Variants in ZDHHC7 observed in about 807,000 individuals in gnomAD.
The protein encoded by ZDHHC7 is palmitoyltransferase ZDHHC7.
In ZDHHC7, 12 loss-of-function variants were observed where a neutral mutation model predicts 34.1. That is an observed-to-expected ratio of 0.35 (90% confidence interval 0.23 to 0.57). The LOEUF is 0.57. ZDHHC7 is among the 20% of genes least tolerant of loss of function. The probability of loss-of-function intolerance (pLI) is 0.84; values close to 1 mark genes in which losing one functional copy is unlikely to be tolerated. For missense variants in ZDHHC7, 388 were observed against 402.7 expected (o/e 0.96, Z 0.31); for synonymous variants, 185 against 155.4 (o/e 1.19, Z -1.42).
chr16:84,982,471 G>A (rs1288096090), intron 3 of ZDHHC7, among the ~76,000 whole-genome samples: 2 of 152,130 alleles, frequency 1.3e-5, no homozygotes, highest in African/African-American at 2.4e-5. Flanking sequence ...CCAGACAAGG[G>A]CACTGACTGT....
chr16:85,008,494 C>T (rs1378305841), intron 1 of ZDHHC7, among the ~76,000 whole-genome samples: 1 of 141,366 alleles, frequency 7.1e-6, no homozygotes, highest in Admixed American at 7.0e-5. Flanking sequence ...TTGGGAACCA[C>T]CACCTACACC....
chr16:84,990,272 G>A (rs756707729), intron 3 of ZDHHC7, 32 bp downstream of exon 3: 6 of 1,603,380 alleles, frequency 3.7e-6, no homozygotes, highest in African/African-American at 1.3e-5. Context: ...CCAGACACAA[G>A]AGAGCCACCC....
chr16:85,003,645 A>G (rs947321249), intron 1 of ZDHHC7, among the ~76,000 whole-genome samples: 1 of 152,344 alleles, frequency 6.6e-6, no homozygotes, highest in Admixed American at 6.5e-5. Flanking sequence ...AACTCAAGCC[A>G]GATCTCAATG....
In ZDHHC7 at chr16:84,976,465, C is replaced by T; in HGVS notation, c.805G>A (p.Glu269Lys). 6.2e-7 allele frequency: 1 copy of T among 1,614,136 alleles called. No homozygotes were observed. The highest frequency in any genetic ancestry group is 8.5e-7 in the Non-Finnish European group (1 of 1,180,020). The part of the protein sequence containing the change: ...KPTWERRLRW[E>K]GMKSVFGGPP... ...CCCCCAAAGACGGACTTCATCCCTTCCCATCGCAGCCTCCGCTCCCATGTG... is the reference window on the plus strand; with the variant it reads ...CCCCCAAAGACGGACTTCATCCCTTTCCATCGCAGCCTCCGCTCCCATGTG... Residue 269 changes from glutamate (E) to lysine (K), a missense_variant, in exon 8 of 8, where the codon GAA becomes AAA. Glu to Lys is a moderately conservative substitution (Grantham distance 56). Transcript: ENST00000313732.
At position 84,979,294 on chromosome 16, in the gene ZDHHC7, G is replaced by C. The variant is rs376566087; in HGVS notation, c.441-9C>G. 6.2e-7 allele frequency: 1 copy of C among 1,607,818 alleles called. No homozygotes were observed. Among genetic ancestry groups the C allele is most frequent in the Non-Finnish European group, 8.5e-7 (1 of 1,178,752 alleles). On this transcript the variant is annotated splice_polypyrimidine_tract_variant and intron_variant, in intron 4 of 7. Transcript: ENST00000313732. ...TACATCTTTTGCAAATACTGAAAAGGAGAGTTTGATTTTTCAGTATTCCAT... is the reference window on the plus strand; with the variant it reads ...TACATCTTTTGCAAATACTGAAAAGCAGAGTTTGATTTTTCAGTATTCCAT...
chr16:84,988,226 C>T (rs548868395), intron 3 of ZDHHC7, among the ~76,000 whole-genome samples: 52 of 151,950 alleles, frequency 3.4e-4, no homozygotes, highest in African/African-American at 1.1e-3. Context: ...TGAGTGGTTG[C>T]CAGGGGCAGA....
At chr16:84,996,629 C>T (rs902260513) in intron 1 of ZDHHC7, among the ~76,000 whole-genome samples, 2 of 152,142 alleles carry the variant, frequency 1.3e-5, no homozygotes, top group African/African-American at 4.8e-5. Flanking sequence ...GAAAACCCAA[C>T]AAGAAGGTCA....
chr16:84,978,012 T>C lies in ZDHHC7; in HGVS notation c.538-7A>G, dbSNP rs1567491512. 3 of 1,600,422 alleles carry C rather than the reference T, an allele frequency of 1.9e-6. No individual in the cohort carries two copies. The highest frequency in any genetic ancestry group is 8.5e-7 in the Non-Finnish European group (1 of 1,171,384). ...AAGACAGAGCTATATACATCTAGAA[T>C]GAGGGGGAGATTGGTTAGTCACTTT... On this transcript the variant is annotated splice_region_variant and splice_polypyrimidine_tract_variant and intron_variant, in intron 5 of 7. Coordinates refer to ENST00000313732, the MANE Select transcript of ZDHHC7 (RefSeq NM_017740.3).
chr16:84,990,906 T>C (rs969218713), intron 2 of ZDHHC7, among the ~76,000 whole-genome samples: 1 of 152,190 alleles, frequency 6.6e-6, no homozygotes, highest in Non-Finnish European at 1.5e-5. Context: ...ACAAAGATTA[T>C]GGAAAGCACA....
chr16:84,981,881 G>C lies in ZDHHC7; in HGVS notation c.429C>G (p.Ala143=), dbSNP rs1228763425. ...AGCAGCGCACGTACCTGCAGTGGTG[G>C]GCGCGCTCGGGTTTAATACAGCAGC... The part of the protein sequence containing the change: ...PKCCCIKPER[A]HHCSICKRCI... The change falls in exon 4 of 8, where the codon GCC becomes GCG. Residue 143 remains alanine (A), a synonymous_variant. Transcript: ENST00000313732. 1 of 1,614,100 alleles carries C rather than the reference G, an allele frequency of 6.2e-7. No individual in the cohort carries two copies. Among genetic ancestry groups the C allele is most frequent in the South Asian group, 1.1e-5 (1 of 91,084 alleles).
intron 1 of ZDHHC7, among the ~76,000 whole-genome samples, chr16:85,010,662 T>C (rs901260306): frequency 1.3e-5 from 2 of 149,816 alleles, no homozygotes; most frequent in Non-Finnish European, 3.0e-5. Flanking sequence ...TGGTTCTTCA[T>C]AAGCTAATAA....
At chr16:85,000,933 T>C (rs1201290653) in intron 1 of ZDHHC7, among the ~76,000 whole-genome samples, 1 of 152,096 alleles carries the variant, frequency 6.6e-6, no homozygotes. Context: ...CCAGAGAAAG[T>C]GTCAATAAAG....
chr16:84,999,097 T>C (rs56929279), intron 1 of ZDHHC7, among the ~76,000 whole-genome samples: 1 of 152,304 alleles, frequency 6.6e-6, no homozygotes, highest in African/African-American at 2.4e-5. Flanking sequence ...CAAACATCTA[T>C]GCACCAGCCA....
chr16:84,999,446 CCCCAAACTGAAAACAA>C (rs2072625526), intron 1 of ZDHHC7, among the ~76,000 whole-genome samples: 1 of 151,984 alleles, frequency 6.6e-6, no homozygotes, highest in African/African-American at 2.4e-5. Context: ...TTCATAATAC[CCCCAAACTGAAAACAA>C]CCCAAACCCG....
At chr16:84,994,558 T>C (rs1320563354) in intron 2 of ZDHHC7, among the ~76,000 whole-genome samples, 1 of 152,234 alleles carries the variant, frequency 6.6e-6, no homozygotes, top group East Asian at 1.9e-4. Context: ...ATGTGACACC[T>C]GAGCCAGCTC....
At chr16:85,023,483 C>A in the ZDHHC7 span, among the ~76,000 whole-genome samples, 8,257 of 151,842 alleles carry the variant, frequency 0.054, 277 homozygotes, top group East Asian at 0.13. Flanking sequence ...TGTTTTTAAG[C>A]CAGTAAGTTT....
chr16:85,007,830 G>C (rs1043846451), intron 1 of ZDHHC7, among the ~76,000 whole-genome samples: 3 of 152,088 alleles, frequency 2.0e-5, no homozygotes, highest in Admixed American at 6.5e-5. Flanking sequence ...GAAAGAAGTA[G>C]GATATGTAGT....
At position 84,990,440 on chromosome 16, in the gene ZDHHC7, T is replaced by C; in HGVS notation, c.179A>G (p.Tyr60Cys). The C allele has an allele frequency of 1.2e-6, 2 of 1,614,116 alleles. No individual in the cohort carries two copies. Among genetic ancestry groups the C allele is most frequent in the South Asian group, 1.1e-5 (1 of 91,084 alleles). The change falls in exon 3 of 8, where the codon TAT becomes TGT. Residue 60 changes from tyrosine to cysteine, a missense_variant. Coordinates refer to ENST00000313732, the MANE Select transcript of ZDHHC7 (RefSeq NM_017740.3). ...CAVMTWLLVA[Y>C]ADFVVTFVML... ...GACGAAAGTCACCACGAAGTCTGCATAGGCGACCAGAAGCCACGTCATGAC... is the reference window on the plus strand; with the variant it reads ...GACGAAAGTCACCACGAAGTCTGCACAGGCGACCAGAAGCCACGTCATGAC...
chr16:85,018,017 GGTGTGT>G, the ZDHHC7 span, among the ~76,000 whole-genome samples: 10 of 152,060 alleles, frequency 6.6e-5, no homozygotes, highest in Admixed American at 5.2e-4. Context: ...GACACGGGTG[GGTGTGT>G]GTTTAGGATA....
Sources: allele counts gnomAD v4.1 joint callset (sites outside exome capture counted in the v4.1 genomes callset), GRCh38; gene constraint gnomAD v4.1.1; transcripts MANE v1.5; gene names NCBI Gene and HGNC (gene_info 2026-07-23, HGNC 2026-07-21).